The following TSHZ2 variants were observed in gnomAD, a reference collection of about 807,000 sequenced individuals.
TSHZ2 encodes teashirt homolog 2.
TSHZ2 carries 21 observed loss-of-function variants against 74.4 expected under a neutral mutation model. That is an observed-to-expected ratio of 0.28 (90% CI 0.20 to 0.41). The LOEUF is 0.41. Among genes scored for constraint, TSHZ2 ranks in the 10% least tolerant of loss-of-function variants. The probability of loss-of-function intolerance (pLI) is 1.00; values close to 1 mark genes in which losing one functional copy is unlikely to be tolerated. For missense variants in TSHZ2, 1,244 were observed against 1,293.5 expected (o/e 0.96, Z 0.59); for synonymous variants, 540 against 515.3 (o/e 1.05, Z -0.65).
intron 1 of TSHZ2, among the ~76,000 whole-genome samples, chr20:53,007,905 G>C (rs1385470614): frequency 6.6e-6 from 1 of 151,944 alleles, no homozygotes; most frequent in East Asian, 1.9e-4. Context: ...AAATGGTCTG[G>C]CTGTGTTTCC....
At chr20:53,321,096 C>T (rs1258499236) in intron 2 of TSHZ2, among the ~76,000 whole-genome samples, 1 of 152,192 alleles carries the variant, frequency 6.6e-6, no homozygotes, top group Admixed American at 6.5e-5. Context: ...GGAGCAACCA[C>T]AATACACCAT....
At chr20:53,454,418 C>T (rs959924344) in intron 2 of TSHZ2, among the ~76,000 whole-genome samples, 23 of 151,990 alleles carry the variant, frequency 1.5e-4, no homozygotes, top group South Asian at 4.2e-4. Context: ...AAAAATTAGC[C>T]GGGCATGGTG....
intron 1 of TSHZ2, among the ~76,000 whole-genome samples, chr20:53,089,857 G>A (rs1012194035): frequency 6.6e-6 from 1 of 152,176 alleles, no homozygotes; most frequent in African/African-American, 2.4e-5. Flanking sequence ...TGTTAATCAG[G>A]GTTCTCCAGA....
intron 2 of TSHZ2, among the ~76,000 whole-genome samples, chr20:53,468,866 G>A (rs781746263): frequency 7.3e-5 from 11 of 149,818 alleles, no homozygotes; most frequent in Non-Finnish European, 1.2e-4. Flanking sequence ...ATTATGACCC[G>A]AATGCTATCT....
intron 2 of TSHZ2, among the ~76,000 whole-genome samples, chr20:53,346,345 A>G (rs539224558): frequency 6.6e-6 from 1 of 152,300 alleles, no homozygotes; most frequent in South Asian, 2.1e-4. Context: ...CAGAGACAAC[A>G]AAGGCTCAGG....
chr20:53,109,907 C>T (rs559478959), intron 1 of TSHZ2, among the ~76,000 whole-genome samples: 17 of 152,352 alleles, frequency 1.1e-4, no homozygotes, highest in African/African-American at 3.8e-4. Flanking sequence ...CTCAGCTCAG[C>T]TCATCTCCTC....
chr20:53,469,081 A>ATATG, intron 2 of TSHZ2, among the ~76,000 whole-genome samples: 1 of 133,360 alleles, frequency 7.5e-6, no homozygotes, highest in Non-Finnish European at 1.6e-5. Flanking sequence ...ATATATATAT[A>ATATG]TATGTACATA....
chr20:53,160,055 G>C (rs1254000642), intron 1 of TSHZ2, among the ~76,000 whole-genome samples: 2 of 152,148 alleles, frequency 1.3e-5, no homozygotes, highest in Non-Finnish European at 2.9e-5. Context: ...CAGAAGGGAG[G>C]GTCCACATAT....
chr20:53,467,509 A>G (rs1198594054), intron 2 of TSHZ2, among the ~76,000 whole-genome samples: 1 of 152,244 alleles, frequency 6.6e-6, no homozygotes, highest in Non-Finnish European at 1.5e-5. Context: ...AAAGATATCT[A>G]CATTTCGTTA....
intron 1 of TSHZ2, among the ~76,000 whole-genome samples, chr20:52,982,673 A>G (rs1318494177): frequency 1.3e-5 from 2 of 152,358 alleles, no homozygotes; most frequent in East Asian, 3.9e-4. Flanking sequence ...TAAAAAGCTA[A>G]CAAACAAATA....
chr20:53,439,309 G>A (rs1984222283), intron 2 of TSHZ2, among the ~76,000 whole-genome samples: 1 of 152,064 alleles, frequency 6.6e-6, no homozygotes, highest in South Asian at 2.1e-4. Context: ...TAATGCAGAA[G>A]ATACTAATGT....
At chr20:53,424,043 T>C in intron 2 of TSHZ2, among the ~76,000 whole-genome samples, 1 of 152,200 alleles carries the variant, frequency 6.6e-6, no homozygotes, top group East Asian at 1.9e-4. Flanking sequence ...AATCCTTTGG[T>C]TTAAACCAGA....
At chr20:53,484,270 G>C (rs1273066976) in intron 2 of TSHZ2, among the ~76,000 whole-genome samples, 1 of 152,096 alleles carries the variant, frequency 6.6e-6, no homozygotes, top group African/African-American at 2.4e-5. Flanking sequence ...TAGGTAGGGT[G>C]GTGCCTGTCA....
At chr20:53,148,898 GA>G (rs1987608531) in intron 1 of TSHZ2, among the ~76,000 whole-genome samples, 1 of 152,152 alleles carries the variant, frequency 6.6e-6, no homozygotes, top group African/African-American at 2.4e-5. Flanking sequence ...AGAGGCTCCA[GA>G]AAGAGAATTC....
intron 2 of TSHZ2, among the ~76,000 whole-genome samples, chr20:53,311,372 C>T (rs200597): frequency 0.84 from 128,258 of 152,262 alleles, 54,224 homozygotes; most frequent in African/African-American, 0.9. Context: ...TCAATATAAA[C>T]TTCTAACAGT....
chr20:53,395,913 T>G (rs1407294221), intron 2 of TSHZ2, among the ~76,000 whole-genome samples: 2 of 152,058 alleles, frequency 1.3e-5, no homozygotes, highest in African/African-American at 4.8e-5. Context: ...AGACACACAT[T>G]GGAAAGTTTT....
In TSHZ2 at chr20:53,050,046, A is replaced by G. The variant is rs530555851; in HGVS notation, c.40+76713A>G. On this transcript the variant is annotated intron_variant, in intron 1 of 2. Coordinates refer to ENST00000371497, the MANE Select transcript of TSHZ2 (RefSeq NM_173485.6). ...CAGTGAGCTGAGATTGTGCCACTGCACTCTAGCCTGGGCAACAAAGTGAGA... is the reference window on the plus strand; with the variant it reads ...CAGTGAGCTGAGATTGTGCCACTGCGCTCTAGCCTGGGCAACAAAGTGAGA... Among the ~76,000 whole-genome samples, 11 of 147,488 alleles carry G rather than the reference A, an allele frequency of 7.5e-5. No individual in the cohort carries two copies. The East Asian group carries it at 1.8e-3, about 24-fold the overall frequency.
chr20:53,463,470 T>G (rs1985462801), intron 2 of TSHZ2, among the ~76,000 whole-genome samples: 23 of 121,684 alleles, frequency 1.9e-4, no homozygotes, highest in South Asian at 6.2e-4. Context: ...AAGGTTGGCT[T>G]AGGGGGTAGG....
intron 1 of TSHZ2, among the ~76,000 whole-genome samples, chr20:53,005,956 A>C (rs1330159776): frequency 6.6e-6 from 1 of 152,238 alleles, no homozygotes; most frequent in Non-Finnish European, 1.5e-5. Context: ...AGTTTAACAC[A>C]GAGCAGGGTG....
Sources: gnomAD v4.1 joint callset for allele counts (sites outside exome capture counted in the v4.1 genomes callset) on GRCh38, gnomAD v4.1.1 for gene constraint, MANE v1.5 for transcripts, NCBI Gene and HGNC (gene_info 2026-07-23, HGNC 2026-07-21) for gene names.